The following ZNF385C variants were observed in gnomAD, a reference collection of about 807,000 sequenced individuals.
The protein encoded by ZNF385C is CTD-2132N18.2.
ZNF385C carries 28 observed loss-of-function variants against 35.4 expected under a neutral mutation model. The ratio of observed to expected loss-of-function variants is 0.79; its 90% CI spans 0.59 to 1.08. The LOEUF (loss-of-function observed/expected upper bound fraction) is 1.08, where lower values mean the gene tolerates loss of function less well. Ranked by LOEUF, ZNF385C falls within the 50% of genes least tolerant of loss-of-function variation. The probability of loss-of-function intolerance (pLI) is 0.00; values close to 1 mark genes in which losing one functional copy is unlikely to be tolerated. For missense variants in ZNF385C, 605 were observed against 595.6 expected, an observed-to-expected ratio of 1.02 and a Z score of -0.16; for synonymous variants, 248 against 248.2, an observed-to-expected ratio of 1.00 and a Z score of 0.01.
intron 1 of ZNF385C, among the ~76,000 whole-genome samples, chr17:42,082,315 G>A (rs1294376804): frequency 1.3e-5 from 2 of 152,214 alleles, no homozygotes; most frequent in Non-Finnish European, 2.9e-5. Flanking sequence ...TGGGATTACA[G>A]GCGTGAGCCA....
chr17:42,043,440 C>A, intron 2 of ZNF385C: 1 of 1,206,626 alleles, frequency 8.3e-7, no homozygotes, highest in Admixed American at 4.2e-5. Flanking sequence ...CTGCCTCCCC[C>A]ACACACAGGC....
chr17:42,070,690 C>A (rs1598200035), intron 1 of ZNF385C, among the ~76,000 whole-genome samples: 1 of 152,274 alleles, frequency 6.6e-6, no homozygotes, highest in East Asian at 1.9e-4. Flanking sequence ...GGGGTGAGGA[C>A]CCTGGCAGGC....
rs1172350080 is a variant in ZNF385C, at chr17:42,037,411, ACACACACACG to A, written c.399+316_399+325del. On this transcript the variant is annotated intron_variant, in intron 3 of 8. Coordinates refer to ENST00000692273, the MANE Select transcript of ZNF385C (RefSeq NM_001392013.1). ...CACACACACACACACACACACACACACACACACACGTCATCCACAGGAGCGCCTACACAGA... is the reference window on the plus strand; with the variant it reads ...CACACACACACACACACACACACACATCATCCACAGGAGCGCCTACACAGA... 3.7e-4 allele frequency among the ~76,000 whole-genome samples: 54 copies of A among 145,142 alleles called. 1 individual carries two copies. Among genetic ancestry groups the A allele is most frequent in the Non-Finnish European group, 6.1e-4 (40 of 65,670 alleles).
At chr17:42,027,905 A>C in intron 7 of ZNF385C, 145 bp downstream of exon 7, 1 of 1,240,200 alleles carries the variant, frequency 8.1e-7, no homozygotes, top group Non-Finnish European at 1.1e-6. Flanking sequence ...CTTTGCCCTT[A>C]ATTGGCCCAC....
rs1555656223 is a variant in ZNF385C, at chr17:42,042,487, T to A, written c.251-4602A>T. Reference sequence around the variant, plus strand: ...CAGTGAGCTGAGATCACGCCACTGCTCTCCAGCCTGGGTGACAGAGTGAGA... The same window carrying A: ...CAGTGAGCTGAGATCACGCCACTGCACTCCAGCCTGGGTGACAGAGTGAGA... On this transcript the variant is annotated intron_variant, in intron 2 of 8. Coordinates refer to ENST00000692273, the MANE Select transcript of ZNF385C (RefSeq NM_001392013.1). 2.0e-5 allele frequency among the ~76,000 whole-genome samples: 3 copies of A among 150,404 alleles called. No homozygotes were observed. In the South Asian group the frequency reaches 6.3e-4, roughly 32 times the overall value.
At chr17:42,037,953 G>C in intron 2 of ZNF385C, 68 bp from the exon 3 acceptor site, 2 of 1,544,500 alleles carry the variant, frequency 1.3e-6, no homozygotes, top group Admixed American at 2.0e-5. Flanking sequence ...AACAAGAGGC[G>C]GGTGGGCTTC....
Position 42,028,806 on chromosome 17 carries a change from G to A in ZNF385C, c.944C>T (p.Ser315Phe), listed in dbSNP as rs984138100. The A allele has an allele frequency of 1.9e-6, 3 of 1,550,264 alleles. No homozygotes were observed. In the Admixed American group the frequency reaches 5.9e-5, roughly 30 times the overall value. ...PTCKVTVNSA[S>F]QLQAHNTGAK... is the part of the protein sequence containing the mutation. ...ACCTGTGTTGTGAGCCTGAAGCTGG[G>A]AGGCCGAGTTCACTGTCACCTTACA... Residue 315 changes from serine to phenylalanine, a missense_variant, in exon 6 of 9, where the codon TCC (serine) becomes TTC (phenylalanine). By Grantham distance (155) the Ser-to-Phe change is radical. Coordinates refer to ENST00000692273, the MANE Select transcript of ZNF385C (RefSeq NM_001392013.1).
intron 1 of ZNF385C, among the ~76,000 whole-genome samples, chr17:42,096,749 C>T (rs2053921549): frequency 6.6e-6 from 1 of 152,126 alleles, no homozygotes; most frequent in African/African-American, 2.4e-5. Context: ...TGAGGCACAG[C>T]CCAAGTGAGC....
chr17:42,027,767 A>G (rs782613235), intron 7 of ZNF385C, 39 bp from the exon 8 acceptor site: 7 of 1,596,418 alleles, frequency 4.4e-6, no homozygotes, highest in Non-Finnish European at 6.0e-6. Flanking sequence ...AAGATGACAA[A>G]GCCCAAGGAC....
At chr17:42,087,743 T>G (rs1443872936) in intron 1 of ZNF385C, among the ~76,000 whole-genome samples, 1 of 152,174 alleles carries the variant, frequency 6.6e-6, no homozygotes, top group Non-Finnish European at 1.5e-5. Context: ...CAGGGGAACA[T>G]AGCAAGACCC....
chr17:42,028,948 G>A lies in ZNF385C; in HGVS notation c.802C>T (p.Pro268Ser), dbSNP rs1383806595. 1.3e-6 allele frequency: 2 copies of A among 1,550,528 alleles called. No homozygotes were observed. The highest frequency in any genetic ancestry group is 8.7e-7 in the Non-Finnish European group (1 of 1,147,022). Residue 268 changes from proline (P) to serine (S), a missense_variant, in exon 6 of 9, where the codon CCT becomes TCT. Pro to Ser is a moderately conservative substitution (Grantham distance 74, BLOSUM62 -1). Coordinates refer to ENST00000692273, the MANE Select transcript of ZNF385C (RefSeq NM_001392013.1). ...TCTCTCCCAGGCTCTGGGGAGCAAG[G>A]TGGGCAGGAGGAAGAAGAGGATGAG... is the stretch of plus-strand genomic sequence containing the variant. Reference protein sequence around the residue: ...ASSSSSSSCPPCSPEPGREAP... With the variant: ...ASSSSSSSCPSCSPEPGREAP...
At chr17:42,034,715 T>C (rs1236355716) in intron 3 of ZNF385C, among the ~76,000 whole-genome samples, 3 of 124,580 alleles carry the variant, frequency 2.4e-5, no homozygotes, top group African/African-American at 3.1e-5. Flanking sequence ...ACCAGGGAGA[T>C]GGAGGTTGCG....
At chr17:42,027,160 C>T (rs782784140) in intron 8 of ZNF385C, 27 bp from the exon 9 acceptor site, 1 of 1,603,058 alleles carries the variant, frequency 6.2e-7, no homozygotes. Flanking sequence ...GGAATGGACA[C>T]AGTCTCCACC....
intron 2 of ZNF385C, among the ~76,000 whole-genome samples, chr17:42,045,622 G>A (rs1228676104): frequency 6.6e-6 from 1 of 152,204 alleles, no homozygotes; most frequent in African/African-American, 2.4e-5. Context: ...AGGCTGTACT[G>A]AGACCCTGGT....
chr17:42,039,362 A>T (rs1268937316), intron 2 of ZNF385C: 1 of 241,044 alleles, frequency 4.1e-6, no homozygotes, highest in Non-Finnish European at 7.9e-6. Flanking sequence ...TCCCCAAGCC[A>T]AAAACTCCCA....
At position 42,085,112 on chromosome 17, in the gene ZNF385C, C is replaced by T. The variant is rs374816683; in HGVS notation, c.-3+13298G>A. On this transcript the variant is annotated intron_variant, in intron 1 of 8. Transcript: ENST00000692273. ...AGGAGTTCGAGACCAGCCTGACCAACATGGTGAAACCCCGTCTCTACTAAA... is the reference window on the plus strand; with the variant it reads ...AGGAGTTCGAGACCAGCCTGACCAATATGGTGAAACCCCGTCTCTACTAAA... 1.5e-4 allele frequency among the ~76,000 whole-genome samples: 23 copies of T among 152,160 alleles called. 1 individual carries two copies. The highest frequency in any genetic ancestry group is 5.5e-4 in the African/African-American group (23 of 41,518).
At chr17:42,072,126 C>T (rs1255113167) in intron 1 of ZNF385C, among the ~76,000 whole-genome samples, 1 of 152,176 alleles carries the variant, frequency 6.6e-6, no homozygotes, top group Non-Finnish European at 1.5e-5. Flanking sequence ...GTTGCTCTTC[C>T]CTCCCCTACC....
At position 42,070,897 on chromosome 17, in the gene ZNF385C, C is replaced by T. The variant is rs78476898; in HGVS notation, c.-2-7839G>A. On this transcript the variant is annotated intron_variant, in intron 1 of 8. Transcript: ENST00000692273. ...GTCAATGAGCATTTTGGCTTCTCCA[C>T]CCTGCCACCTCCCCACTGCCCTCTC... Among the ~76,000 whole-genome samples the T allele has an allele frequency of 5.9e-3, 906 of 152,340 alleles. 15 individuals are homozygous for T. Among genetic ancestry groups the T allele is most frequent in the African/African-American group, 0.021 (880 of 41,570 alleles).
chr17:42,040,660 A>C lies in ZNF385C; in HGVS notation c.251-2775T>G, dbSNP rs1168090967. On this transcript the variant is annotated intron_variant, in intron 2 of 8. Coordinates refer to ENST00000692273, the MANE Select transcript of ZNF385C (RefSeq NM_001392013.1). ...CTCGGCCACTGCTTCCACTACAGGC[A>C]GCAGGGAGGCCCAGGGCACTGGCCG... is the stretch of plus-strand genomic sequence containing the variant. 4.9e-6 allele frequency: 6 copies of C among 1,232,182 alleles called. No individual in the cohort carries two copies. The African/African-American group carries it at 9.3e-5, about 19-fold the overall frequency. 76.3% of individuals were successfully genotyped at this position (1,232,182 alleles called of 1,614,324 possible). A position where few individuals can be genotyped will look rare whatever the true frequency, so the allele number is the denominator to read the frequency against.
Sources: gnomAD v4.1 joint callset for allele counts (sites outside exome capture counted in the v4.1 genomes callset) on GRCh38, gnomAD v4.1.1 for gene constraint, MANE v1.5 for transcripts, NCBI Gene and HGNC (gene_info 2026-07-23, HGNC 2026-07-21) for gene names.